The following PDE5A variants were observed in gnomAD, a reference collection of about 807,000 sequenced individuals.
PDE5A encodes cGMP-specific 3',5'-cyclic phosphodiesterase.
Under a neutral mutation model 110.2 loss-of-function variants are expected in PDE5A, and 67 were observed. The observed-to-expected ratio is 0.61, with a 90% CI of 0.50 to 0.75. The LOEUF (loss-of-function observed/expected upper bound fraction) is 0.75, where lower values mean the gene tolerates loss of function less well. PDE5A is among the 30% of genes least tolerant of loss of function. PDE5A has a pLI of 0.00. For missense variants in PDE5A, 862 were observed against 1,045.1 expected (o/e 0.82, Z 2.42); for synonymous variants, 328 against 351.2 (o/e 0.93, Z 0.74).
chr4:119,617,004 A>C (rs1048601966), intron 1 of PDE5A, among the ~76,000 whole-genome samples: 81 of 152,284 alleles, frequency 5.3e-4, no homozygotes, highest in African/African-American at 1.7e-3. Context: ...ATGGATATTT[A>C]AATAGATTTG....
At chr4:119,531,548 A>AT (rs1417279518) in intron 11 of PDE5A, among the ~76,000 whole-genome samples, 2 of 152,122 alleles carry the variant, frequency 1.3e-5, no homozygotes, top group African/African-American at 4.8e-5. Flanking sequence ...AAGTGTTGAG[A>AT]TTACAGGTGT....
chr4:119,500,327 G>GTTCT, intron 20 of PDE5A: 1 of 146,782 alleles, frequency 6.8e-6, no homozygotes, highest in Non-Finnish European at 1.5e-5. Flanking sequence ...GTCAGCCACA[G>GTTCT]TTCTTTATAT....
At chr4:119,608,364 T>C (rs1045254087) in intron 1 of PDE5A, among the ~76,000 whole-genome samples, 8 of 152,196 alleles carry the variant, frequency 5.3e-5, no homozygotes, top group African/African-American at 1.4e-4. Flanking sequence ...TACCAGATCA[T>C]ACACAATCCA....
At chr4:119,581,293 A>G (rs1301126545) in intron 3 of PDE5A, among the ~76,000 whole-genome samples, 1 of 152,228 alleles carries the variant, frequency 6.6e-6, no homozygotes, top group African/African-American at 2.4e-5. Context: ...AGGGGTTGAG[A>G]GAATGCCTTC....
Position 119,562,821 on chromosome 4 carries a change from C to T in PDE5A, c.1131+12G>A. The T allele has an allele frequency of 1.9e-6, 3 of 1,545,836 alleles. No homozygotes were observed. The highest frequency in any genetic ancestry group is 2.5e-5 in the South Asian group (2 of 80,084). ...TCTTTCTAAAAATAAAAAAGTCATA[C>T]TCTGTACTCACGGAGCAATCTTCAT... On this transcript the variant is annotated intron_variant, in intron 6 of 20. Transcript: ENST00000354960.
intron 11 of PDE5A, among the ~76,000 whole-genome samples, chr4:119,532,663 A>G (rs575355825): frequency 6.6e-5 from 10 of 152,276 alleles, no homozygotes; most frequent in African/African-American, 2.4e-4. Context: ...ATGTGTTTGT[A>G]GAAAATAATA....
At chr4:119,577,040 C>T (rs1419233360) in intron 3 of PDE5A, among the ~76,000 whole-genome samples, 2 of 152,150 alleles carry the variant, frequency 1.3e-5, no homozygotes, top group Non-Finnish European at 2.9e-5. Context: ...AAACTACCAT[C>T]AGAGACTACT....
intron 16 of PDE5A, among the ~76,000 whole-genome samples, chr4:119,506,369 C>CT (rs1725554018): frequency 6.6e-6 from 1 of 151,596 alleles, no homozygotes; most frequent in African/African-American, 2.4e-5. Context: ...TAAACAAAGA[C>CT]TAGGTAAAGT....
intron 14 of PDE5A, among the ~76,000 whole-genome samples, chr4:119,514,604 CTT>C (rs1205781875): frequency 1.3e-5 from 2 of 151,962 alleles, no homozygotes; most frequent in African/African-American, 4.8e-5. Context: ...CTGATTATCT[CTT>C]TGCACATAAT....
intron 1 of PDE5A, among the ~76,000 whole-genome samples, chr4:119,607,595 G>A (rs1729586134): frequency 6.6e-6 from 1 of 151,932 alleles, no homozygotes. Context: ...AAATTAGCTG[G>A]GCATGATAGC....
At chr4:119,593,211 C>A (rs1055315412) in intron 3 of PDE5A, among the ~76,000 whole-genome samples, 5 of 152,220 alleles carry the variant, frequency 3.3e-5, no homozygotes, top group African/African-American at 4.8e-5. Context: ...GACTTAGCAA[C>A]TGCCCTCCTA....
chr4:119,505,001 G>T (rs956542159), intron 17 of PDE5A, among the ~76,000 whole-genome samples: 3 of 151,970 alleles, frequency 2.0e-5, no homozygotes, highest in African/African-American at 7.2e-5. Context: ...ACTGATAAAA[G>T]TCTTATATCA....
chr4:119,600,184 G>GTA (rs139276471), intron 2 of PDE5A, among the ~76,000 whole-genome samples: 21,712 of 148,878 alleles, frequency 0.15, 1,734 homozygotes, highest in Middle Eastern at 0.2. Context: ...GAGCACATGA[G>GTA]TATATATATA....
chr4:119,582,525 A>G lies in PDE5A; in HGVS notation c.831+13998T>C, dbSNP rs139891230. Among the ~76,000 whole-genome samples the G allele has an allele frequency of 5.3e-4, 81 of 152,338 alleles. 1 individual carries two copies. The highest frequency in any genetic ancestry group is 1.9e-3 in the African/African-American group (79 of 41,576). ...AATTTGACCTCCTCCCATAAATCAC[A>G]AATGTTCCTAATGGGATGTAGAATG... On this transcript the variant is annotated intron_variant, in intron 3 of 20. Coordinates refer to ENST00000354960, the MANE Select transcript of PDE5A (RefSeq NM_001083.4).
intron 3 of PDE5A, among the ~76,000 whole-genome samples, chr4:119,584,745 T>G (rs925514798): frequency 6.6e-6 from 1 of 152,214 alleles, no homozygotes; most frequent in Non-Finnish European, 1.5e-5. Context: ...TCTGTCTACC[T>G]GTCTGACCTC....
intron 3 of PDE5A, among the ~76,000 whole-genome samples, chr4:119,568,683 A>G (rs977632479): frequency 5.9e-5 from 9 of 152,298 alleles, no homozygotes; most frequent in African/African-American, 2.2e-4. Flanking sequence ...AGTCTCAGAA[A>G]TGACATTTAA....
intron 19 of PDE5A, among the ~76,000 whole-genome samples, chr4:119,502,199 A>T (rs1440990897): frequency 6.6e-6 from 1 of 152,056 alleles, no homozygotes; most frequent in Non-Finnish European, 1.5e-5. Flanking sequence ...GATGTTTATC[A>T]CAGTGCTGTT....
At chr4:119,528,315 A>G (rs1726400828) in intron 11 of PDE5A, among the ~76,000 whole-genome samples, 1 of 152,168 alleles carries the variant, frequency 6.6e-6, no homozygotes, top group Non-Finnish European at 1.5e-5. Flanking sequence ...AGTCACTAAG[A>G]GTGGAACGAG....
rs546876429 is a variant in PDE5A at position 119,585,051 on chromosome 4, G to A, written c.831+11472C>T. On this transcript the variant is annotated intron_variant, in intron 3 of 20. Transcript: ENST00000354960. ...AGCAATTTGGGAGGCCGAGGTGGGCGGATCACAAGGTCAGGAGTTTGAGAC... is the reference window on the plus strand; with the variant it reads ...AGCAATTTGGGAGGCCGAGGTGGGCAGATCACAAGGTCAGGAGTTTGAGAC... 3.3e-5 allele frequency among the ~76,000 whole-genome samples: 5 copies of A among 152,184 alleles called. No individual in the cohort carries two copies. In the South Asian group the frequency reaches 8.3e-4, roughly 25 times the overall value.
Sources: gnomAD v4.1 joint callset for allele counts (sites outside exome capture counted in the v4.1 genomes callset) on GRCh38, gnomAD v4.1.1 for gene constraint, MANE v1.5 for transcripts, NCBI Gene and HGNC (gene_info 2026-07-23, HGNC 2026-07-21) for gene names.